The following FLNB variants were observed in gnomAD, a reference collection of about 807,000 sequenced individuals.
The protein encoded by FLNB is filamin-B.
FLNB carries 111 observed loss-of-function variants against 250.6 expected under a neutral mutation model. The observed-to-expected ratio is 0.44, with a 90% CI of 0.38 to 0.52. The LOEUF is 0.52. FLNB is among the 20% of genes least tolerant of loss of function. The pLI, the probability that FLNB is intolerant of heterozygous loss-of-function variation, is 0.00. For synonymous variants in FLNB, 1,302 were observed against 1,372.1 expected (o/e 0.95, Z 1.13); for missense variants, 2,869 against 3,447.8 (o/e 0.83, Z 4.20).
At chr3:58,036,411 G>C (rs1232494315) in intron 1 of FLNB, among the ~76,000 whole-genome samples, 1 of 152,178 alleles carries the variant, frequency 6.6e-6, no homozygotes, top group Non-Finnish European at 1.5e-5. Flanking sequence ...GAAGTGGGGA[G>C]TGCTGATTGG....
intron 1 of FLNB, among the ~76,000 whole-genome samples, chr3:58,063,795 A>G (rs1359545451): frequency 6.6e-6 from 1 of 152,204 alleles, no homozygotes; most frequent in Non-Finnish European, 1.5e-5. Context: ...CTCCCCTTTT[A>G]AACCAAGGAA....
At chr3:58,106,179 T>G (rs1176304573) in intron 11 of FLNB, among the ~76,000 whole-genome samples, 1 of 152,114 alleles carries the variant, frequency 6.6e-6, no homozygotes, top group Non-Finnish European at 1.5e-5. Context: ...CAGTGCTGAC[T>G]GTGTATCCTT....
At position 58,163,139 on chromosome 3, in the gene FLNB, T is replaced by G. The variant is rs2097364440; in HGVS notation, c.7022-15T>G. On this transcript the variant is annotated splice_polypyrimidine_tract_variant and intron_variant, in intron 42 of 45. Coordinates refer to ENST00000295956, the MANE Select transcript of FLNB (RefSeq NM_001457.4). Reference sequence around the variant, plus strand: ...TTTGCTTGATTTCACCCTGTGCCTTTGCTCATTCTCCTAGATAAGTATGCT... The same window carrying G: ...TTTGCTTGATTTCACCCTGTGCCTTGGCTCATTCTCCTAGATAAGTATGCT... 6.2e-7 allele frequency: 1 copy of G among 1,613,902 alleles called. No individual in the cohort carries two copies. Among genetic ancestry groups the G allele is most frequent in the South Asian group, 1.1e-5 (1 of 91,074 alleles).
rs74874288 is a variant in FLNB at position 58,079,988 on chromosome 3, C to T, written c.639+1174C>T. Among the ~76,000 whole-genome samples, 945 of 152,286 alleles carry T rather than the reference C, an allele frequency of 6.2e-3. 18 individuals carry two copies. In the East Asian group the frequency reaches 0.063, roughly 10 times the overall value. ...TACATGGCTCATTGGTTTCTTGGCT[C>T]GTCCACCCTCAGGAAGTGGTGTGGT... On this transcript the variant is annotated intron_variant, in intron 3 of 45. Coordinates refer to ENST00000295956, the MANE Select transcript of FLNB (RefSeq NM_001457.4).
At chr3:58,105,365 G>A in intron 11 of FLNB, 149 bp downstream of exon 11, 2 of 977,744 alleles carry the variant, frequency 2.0e-6, no homozygotes. Flanking sequence ...TCTGCGTGCT[G>A]CTGTACATTT....
chr3:58,111,472 A>G (rs535697790), intron 16 of FLNB, among the ~76,000 whole-genome samples: 15 of 151,812 alleles, frequency 9.9e-5, no homozygotes, highest in African/African-American at 1.5e-4. Flanking sequence ...AGCCCCATGT[A>G]TTATTGTCGT....
At chr3:58,057,244 G>A (rs1488474243) in intron 1 of FLNB, among the ~76,000 whole-genome samples, 1 of 152,066 alleles carries the variant, frequency 6.6e-6, no homozygotes, top group East Asian at 1.9e-4. Context: ...CCAACATACC[G>A]GGATTACAGG....
rs1477726643 is a variant in FLNB, at chr3:58,152,778, G to A, written c.6368-597G>A. The A allele has an allele frequency of 3.7e-6, 5 of 1,333,454 alleles. 1 individual carries two copies. The South Asian group carries it at 4.7e-5, about 13-fold the overall frequency. 82.6% of individuals were successfully genotyped at this position (1,333,454 alleles called of 1,614,324 possible). A position where few individuals can be genotyped will look rare whatever the true frequency, so the allele number is the denominator to read the frequency against. On this transcript the variant is annotated intron_variant, in intron 38 of 45. Transcript: ENST00000295956. ...GGGTGCAGTTTCATACTGGCTCTAG[G>A]TGATGGCAGTGCTCCGTGCCCCGCA... is the stretch of plus-strand genomic sequence containing the variant.
intron 43 of FLNB, chr3:58,163,579 C>G (rs1214215020): frequency 4.8e-5 from 25 of 525,838 alleles, no homozygotes; most frequent in Non-Finnish European, 8.6e-5. Flanking sequence ...GATTCAGATT[C>G]CTTCCTCTGC....
At chr3:58,148,460 A>C (rs562977078) in intron 35 of FLNB, 96 bp downstream of exon 35, 40 of 1,441,848 alleles carry the variant, frequency 2.8e-5, no homozygotes, top group Non-Finnish European at 3.1e-5. Context: ...AGCACAATGG[A>C]GTGTGATGTG....
At chr3:58,037,030 C>T (rs949184044) in intron 1 of FLNB, among the ~76,000 whole-genome samples, 1 of 151,460 alleles carries the variant, frequency 6.6e-6, no homozygotes, top group South Asian at 2.1e-4. Flanking sequence ...ATGTTCTTTC[C>T]CACTGGGCCC....
At position 58,142,484 on chromosome 3, in the gene FLNB, C is replaced by T. The variant is rs2097328766; in HGVS notation, c.5182-166C>T. Among the ~76,000 whole-genome samples, 1 of 152,196 alleles carries T rather than the reference C, an allele frequency of 6.6e-6. No individual in the cohort carries two copies. The highest frequency in any genetic ancestry group is 1.5e-5 in the Non-Finnish European group (1 of 68,040). On this transcript the variant is annotated intron_variant, in intron 30 of 45. Transcript: ENST00000295956. The surrounding 1 kb of genome is among the most constrained non-coding windows in gnomAD (Gnocchi z 4.3). The stretch of plus-strand genomic sequence containing the variant: ...ACCTCTCCAGTCCCTCAGGTTCTAC[C>T]CTGGGTCTGGAGCCACTTAGACAAA...
In FLNB at chr3:58,142,813, G is replaced by A. The variant is rs181673117; in HGVS notation, c.5284+61G>A. 1.8e-5 allele frequency: 26 copies of A among 1,429,534 alleles called. No homozygotes were observed. The East Asian group carries it at 5.2e-4, about 29-fold the overall frequency. 88.6% of individuals were successfully genotyped at this position (1,429,534 alleles called of 1,614,324 possible). A position where few individuals can be genotyped will look rare whatever the true frequency, so the allele number is the denominator to read the frequency against. On this transcript the variant is annotated intron_variant, in intron 31 of 45. Coordinates refer to ENST00000295956, the MANE Select transcript of FLNB (RefSeq NM_001457.4). This position sits in a 1 kb window ranked among gnomAD's most constrained non-coding sequence, Gnocchi z 4.3. ...TTGCTCTCACGAGCTTCCCAGAATGGTGCTGGGGAGGTGTGTCCACTGTCC... is the reference window on the plus strand; with the variant it reads ...TTGCTCTCACGAGCTTCCCAGAATGATGCTGGGGAGGTGTGTCCACTGTCC...
chr3:58,031,232 G>T (rs1264929168), intron 1 of FLNB, among the ~76,000 whole-genome samples: 1 of 152,048 alleles, frequency 6.6e-6, no homozygotes, highest in Non-Finnish European at 1.5e-5. Flanking sequence ...TATAAAAAGT[G>T]TGTCTTTTAT....
At chr3:58,125,546 T>C in intron 22 of FLNB, 35 bp from the exon 23 acceptor site, 2 of 1,611,640 alleles carry the variant, frequency 1.2e-6, no homozygotes, top group Non-Finnish European at 1.7e-6. Context: ...GGGATTTGTA[T>C]GCAAATATGC....
In FLNB at chr3:58,094,973, C is replaced by A; in HGVS notation, c.906+19C>A. On this transcript the variant is annotated intron_variant, in intron 5 of 45. Transcript: ENST00000295956. ...AGAGGAGGTATGTTGGAGGATGCTG[C>A]CTCTCCTTTCCAGCACCTCATGGAG... 1 of 1,570,844 alleles carries A rather than the reference C, an allele frequency of 6.4e-7. No individual in the cohort carries two copies. The highest frequency in any genetic ancestry group is 8.8e-7 in the Non-Finnish European group (1 of 1,140,498).
intron 1 of FLNB, among the ~76,000 whole-genome samples, chr3:58,050,572 C>T (rs1190611481): frequency 1.3e-5 from 2 of 152,164 alleles, no homozygotes; most frequent in African/African-American, 2.4e-5. Flanking sequence ...AGCAATTACC[C>T]AAGGCAGTTC....
chr3:58,136,178 G>A lies in FLNB; in HGVS notation c.4861+10G>A, dbSNP rs2097315549. ...AAGTGCCTGGCCACGGGTGAGTACA[G>A]GGCATCTCAAGGTCAGGGGCACAGG... On this transcript the variant is annotated intron_variant, in intron 28 of 45. Coordinates refer to ENST00000295956, the MANE Select transcript of FLNB (RefSeq NM_001457.4). The A allele has an allele frequency of 6.2e-7, 1 of 1,613,954 alleles. No homozygotes were observed. Among genetic ancestry groups the A allele is most frequent in the African/African-American group, 1.3e-5 (1 of 74,926 alleles).
At chr3:58,038,037 G>A (rs1164350463) in intron 1 of FLNB, among the ~76,000 whole-genome samples, 1 of 151,890 alleles carries the variant, frequency 6.6e-6, no homozygotes, top group Non-Finnish European at 1.5e-5. Context: ...TTGTTTGTTT[G>A]TTTGTTTTTA....
Sources: allele counts gnomAD v4.1 joint callset (sites outside exome capture counted in the v4.1 genomes callset), GRCh38; gene constraint gnomAD v4.1.1; non-coding constraint Gnocchi (gnomAD v3.1); transcripts MANE v1.5; gene names NCBI Gene and HGNC (gene_info 2026-07-23, HGNC 2026-07-21).